The following SEZ6L variants were observed in gnomAD, a reference collection of about 807,000 sequenced individuals.
The protein encoded by SEZ6L is seizure 6-like protein.
A neutral mutation model predicts 106.2 loss-of-function variants in SEZ6L; 37 were observed. The ratio of observed to expected loss-of-function variants is 0.35; its 90% CI spans 0.27 to 0.46. The LOEUF is 0.46. Among genes scored for constraint, SEZ6L ranks in the 20% least tolerant of loss-of-function variants. The pLI, the probability that SEZ6L is intolerant of heterozygous loss-of-function variation, is 1.00. For synonymous variants in SEZ6L, 541 were observed against 570.4 expected, an observed-to-expected ratio of 0.95 and a Z score of 0.73; for missense variants, 1,172 against 1,332.8, an observed-to-expected ratio of 0.88 and a Z score of 1.88.
At chr22:26,266,152 C>T (rs890080581) in intron 1 of SEZ6L, among the ~76,000 whole-genome samples, 6 of 152,074 alleles carry the variant, frequency 3.9e-5, no homozygotes, top group African/African-American at 1.2e-4. Flanking sequence ...CAAGAGGCTG[C>T]GGAGGCTGTG....
Position 26,382,317 on chromosome 22 carries a change from A to G in SEZ6L, c.*2022A>G, listed in dbSNP as rs937487494. Reference sequence around the variant, plus strand: ...TTATTTGATGCTTATTCTAACCCTAACCCTGGGTCACCTGGAATGAAGAAC... The same window carrying G: ...TTATTTGATGCTTATTCTAACCCTAGCCCTGGGTCACCTGGAATGAAGAAC... On this transcript the variant is annotated 3_prime_UTR_variant, in exon 17 of 17. Coordinates refer to ENST00000248933, the MANE Select transcript of SEZ6L (RefSeq NM_021115.5). 4 of 176,670 alleles carry G rather than the reference A, an allele frequency of 2.3e-5. No individual in the cohort carries two copies. The highest frequency in any genetic ancestry group is 9.5e-5 in the African/African-American group (4 of 42,280). The allele number at this position is 176,670 out of a possible 1,614,324, so 10.9% of individuals were successfully genotyped here. A position where few individuals can be genotyped will look rare whatever the true frequency, so the allele number is the denominator to read the frequency against.
At position 26,276,523 on chromosome 22, in the gene SEZ6L, G is replaced by T. The variant is rs16981642; in HGVS notation, c.95-15883G>T. Among the ~76,000 whole-genome samples, 121 of 152,324 alleles carry T rather than the reference G, an allele frequency of 7.9e-4. 2 individuals carry two copies. In the East Asian group the frequency reaches 0.019, roughly 25 times the overall value. ...GCTTTTAAACTCACTTGGCAAACTG[G>T]ATTCATTTCCAAGTATTATAATTCT... On this transcript the variant is annotated intron_variant, in intron 1 of 16. Transcript: ENST00000248933.
intron 1 of SEZ6L, among the ~76,000 whole-genome samples, chr22:26,246,962 C>T (rs1424234633): frequency 1.3e-5 from 2 of 152,184 alleles, no homozygotes; most frequent in Non-Finnish European, 2.9e-5. Context: ...AGGTCATTCT[C>T]ACAGTGCTGA....
intron 1 of SEZ6L, among the ~76,000 whole-genome samples, chr22:26,190,092 G>A (rs1467166448): frequency 6.7e-6 from 1 of 148,450 alleles, no homozygotes; most frequent in African/African-American, 2.5e-5. Flanking sequence ...GCAAGACTGT[G>A]TCTAAAAAAA....
At chr22:26,294,910 TG>T (rs2081255100) in intron 3 of SEZ6L, among the ~76,000 whole-genome samples, 16 of 145,094 alleles carry the variant, frequency 1.1e-4, no homozygotes, top group African/African-American at 4.2e-4. Context: ...GCTTGCTTCC[TG>T]CTTTCTTGCT....
At chr22:26,301,002 C>T (rs1415543208) in intron 5 of SEZ6L, among the ~76,000 whole-genome samples, 1 of 152,210 alleles carries the variant, frequency 6.6e-6, no homozygotes, top group African/African-American at 2.4e-5. Context: ...CTTTCTTGTG[C>T]TCTGAGTGTA....
chr22:26,174,893 T>C (rs181127099), intron 1 of SEZ6L, among the ~76,000 whole-genome samples: 1 of 152,326 alleles, frequency 6.6e-6, no homozygotes, highest in African/African-American at 2.4e-5. Context: ...GTGCTTTATA[T>C]AGATATGTGC....
intron 9 of SEZ6L, among the ~76,000 whole-genome samples, chr22:26,320,679 C>T (rs1426383596): frequency 6.6e-6 from 1 of 152,180 alleles, no homozygotes; most frequent in African/African-American, 2.4e-5. Flanking sequence ...ATACAGCACT[C>T]TGGGGGCCCA....
chr22:26,217,208 C>G lies in SEZ6L; in HGVS notation c.94+47445C>G, dbSNP rs144971830. ...AGCAGAGCTGGGACCCCAGAATGCC[C>G]CATTCTTCCCTTCCCACCACCATAG... is the stretch of plus-strand genomic sequence containing the variant. On this transcript the variant is annotated intron_variant, in intron 1 of 16. Coordinates refer to ENST00000248933, the MANE Select transcript of SEZ6L (RefSeq NM_021115.5). Among the ~76,000 whole-genome samples the G allele has an allele frequency of 3.2e-3, 493 of 152,294 alleles. 13 individuals are homozygous for G. The South Asian group carries it at 0.061, about 19-fold the overall frequency.
chr22:26,217,123 A>G (rs754743742), intron 1 of SEZ6L, among the ~76,000 whole-genome samples: 2 of 152,172 alleles, frequency 1.3e-5, no homozygotes, highest in Non-Finnish European at 2.9e-5. Context: ...TATTCCACAC[A>G]ATAGCTTTAA....
chr22:26,295,903 A>C (rs1569450624), intron 3 of SEZ6L, among the ~76,000 whole-genome samples: 1 of 152,164 alleles, frequency 6.6e-6, no homozygotes, highest in East Asian at 1.9e-4. Context: ...GCAATCAGGG[A>C]AGGTCTCATA....
intron 1 of SEZ6L, among the ~76,000 whole-genome samples, chr22:26,173,768 A>G (rs947760023): frequency 2.0e-5 from 3 of 152,192 alleles, no homozygotes; most frequent in East Asian, 3.8e-4. Context: ...AGTGTCTGTC[A>G]TCTCTCTTTC....
intron 1 of SEZ6L, among the ~76,000 whole-genome samples, chr22:26,179,261 A>C (rs1345397926): frequency 1.3e-5 from 2 of 152,126 alleles, no homozygotes; most frequent in African/African-American, 4.8e-5. Flanking sequence ...GTGGTGGCAT[A>C]TGCCTGTAGT....
intron 1 of SEZ6L, among the ~76,000 whole-genome samples, chr22:26,245,295 A>G (rs2079296810): frequency 2.0e-5 from 3 of 152,184 alleles, no homozygotes; most frequent in Admixed American, 6.5e-5. Flanking sequence ...CCGGCTGCTG[A>G]GAGCCTGACT....
intron 1 of SEZ6L, among the ~76,000 whole-genome samples, chr22:26,222,119 G>A (rs1360396265): frequency 6.6e-6 from 1 of 152,094 alleles, no homozygotes; most frequent in South Asian, 2.1e-4. Flanking sequence ...ACGATTTCTG[G>A]GATCCATTCC....
At chr22:26,219,971 A>G (rs977283366) in intron 1 of SEZ6L, among the ~76,000 whole-genome samples, 13 of 152,208 alleles carry the variant, frequency 8.5e-5, no homozygotes, top group Admixed American at 7.9e-4. Context: ...AAAATCTGAA[A>G]AAAGAACAGT....
chr22:26,353,697 G>GT (rs2083348178), intron 12 of SEZ6L, among the ~76,000 whole-genome samples: 1 of 152,038 alleles, frequency 6.6e-6, no homozygotes, highest in South Asian at 2.1e-4. Flanking sequence ...CTAACCCATG[G>GT]TATCTGTAAT....
chr22:26,220,888 TATGAATGG>T (rs1397890675), intron 1 of SEZ6L, among the ~76,000 whole-genome samples: 1 of 85,748 alleles, frequency 1.2e-5, no homozygotes, highest in Non-Finnish European at 2.5e-5. Context: ...ATAAATACTG[TATGAATGG>T]ATGGATGGAT....
At chr22:26,307,245 TG>T (rs2081659593) in intron 6 of SEZ6L, among the ~76,000 whole-genome samples, 1 of 152,106 alleles carries the variant, frequency 6.6e-6, no homozygotes, top group Non-Finnish European at 1.5e-5. Flanking sequence ...CCCTTTGAGC[TG>T]GTTGAGTTGA....
Sources: allele counts gnomAD v4.1 joint callset (sites outside exome capture counted in the v4.1 genomes callset), GRCh38; gene constraint gnomAD v4.1.1; transcripts MANE v1.5; gene names NCBI Gene and HGNC (gene_info 2026-07-23, HGNC 2026-07-21).